RIPOR2: variants seen among roughly 807,000 people sequenced by gnomAD.
RIPOR2 encodes the protein rho family-interacting cell polarization regulator 2.
RIPOR2 carries 39 observed loss-of-function variants against 114.5 expected under a neutral mutation model. The observed-to-expected ratio is 0.34, with a 90% CI of 0.26 to 0.44. The LOEUF (loss-of-function observed/expected upper bound fraction) is 0.44, where lower values mean the gene tolerates loss of function less well. RIPOR2 is among the 20% of genes least tolerant of loss of function. The pLI, the probability that RIPOR2 is intolerant of heterozygous loss-of-function variation, is 1.00. For synonymous variants in RIPOR2, 445 were observed against 484.4 expected (o/e 0.92, Z 1.07); for missense variants, 1,007 against 1,255.1 (o/e 0.80, Z 2.99).
chr6:24,828,431 TG>T, intron 17 of RIPOR2, 136 bp from the exon 18 acceptor site: 1 of 703,894 alleles, frequency 1.4e-6, no homozygotes, highest in Non-Finnish European at 2.1e-6. Flanking sequence ...CTCAAACTCC[TG>T]GGCTCAAGCA....
intron 1 of RIPOR2, among the ~76,000 whole-genome samples, chr6:25,039,704 G>A (rs1365848243): frequency 1.3e-5 from 2 of 152,086 alleles, no homozygotes; most frequent in Non-Finnish European, 2.9e-5. Flanking sequence ...TCTCAGTGAC[G>A]GATTCCATAA....
chr6:25,024,576 G>A (rs1776513988), intron 1 of RIPOR2: 5 of 521,274 alleles, frequency 9.6e-6, no homozygotes, highest in South Asian at 7.6e-5. Context: ...AGTGGCAGGC[G>A]ACAGAACAAG....
At chr6:25,023,722 G>T in intron 1 of RIPOR2, 1 of 782,006 alleles carries the variant, frequency 1.3e-6, no homozygotes. Context: ...GTTTGTCCGC[G>T]ACTTCGTTCA....
In RIPOR2 at chr6:24,933,258, A is replaced by G. The variant is rs564460175; in HGVS notation, c.61+2580T>C. On this transcript the variant is annotated intron_variant, in intron 1 of 21. Coordinates refer to ENST00000643898, the MANE Select transcript of RIPOR2 (RefSeq NM_001286445.3). ...AGGGATTCATATGTATTAAGTACTG[A>G]CCACTATTCTAAAAGCTTTCCCTAT... Among the ~76,000 whole-genome samples, 7 of 152,328 alleles carry G rather than the reference A, an allele frequency of 4.6e-5. No homozygotes were observed. In the South Asian group the frequency reaches 8.3e-4, roughly 18 times the overall value.
chr6:24,995,766 T>C lies in RIPOR2; in HGVS notation c.76+46085A>G, dbSNP rs148810375. ...CAGATGTTTCTATGAAGATCTAACA[T>C]CCCAAATCTACTCTCAAATCTGCAA... is the stretch of plus-strand genomic sequence containing the variant. On this transcript the variant is annotated intron_variant, in intron 1 of 13. Coordinates refer to the RIPOR2 transcript ENST00000510784. 1.0e-3 allele frequency among the ~76,000 whole-genome samples: 153 copies of C among 151,886 alleles called. 1 individual carries two copies. The highest frequency in any genetic ancestry group is 3.4e-3 in the Middle Eastern group (1 of 290).
intron 1 of RIPOR2, among the ~76,000 whole-genome samples, chr6:24,990,531 T>C (rs181085523): frequency 6.6e-6 from 1 of 152,356 alleles, no homozygotes; most frequent in Non-Finnish European, 1.5e-5. Context: ...ATTGGACTTA[T>C]GTTGATACGA....
chr6:24,843,730 T>C lies in RIPOR2; in HGVS notation c.1165-176A>G, dbSNP rs572532568. On this transcript the variant is annotated intron_variant, in intron 12 of 21. Transcript: ENST00000643898. ...GTGTGTGTGTGTGTGTGTGTGTGTG[T>C]GTGTGTGTGTGTGTATCTGGCAAAA... Among the ~76,000 whole-genome samples the C allele has an allele frequency of 3.7e-3, 557 of 151,706 alleles. 3 individuals are homozygous for C. Among genetic ancestry groups the C allele is most frequent in the African/African-American group, 0.012 (497 of 41,346 alleles).
chr6:24,875,949 T>G, intron 1 of RIPOR2, 132 bp from the exon 2 acceptor site: 1 of 810,878 alleles, frequency 1.2e-6, no homozygotes, highest in Non-Finnish European at 1.9e-6. Context: ...TTCTTTATTA[T>G]GGAGTGTCCT....
chr6:24,844,509 T>C (rs927738516), intron 12 of RIPOR2, among the ~76,000 whole-genome samples: 1 of 151,996 alleles, frequency 6.6e-6, no homozygotes, highest in African/African-American at 2.4e-5. Context: ...TCCCTTTTGT[T>C]GCCCAGGCTG....
chr6:24,927,335 C>A (rs1380335578), intron 1 of RIPOR2, among the ~76,000 whole-genome samples: 1 of 151,424 alleles, frequency 6.6e-6, no homozygotes, highest in Admixed American at 6.6e-5. Flanking sequence ...ATCACCACCA[C>A]CACCACCATC....
intron 1 of RIPOR2, among the ~76,000 whole-genome samples, chr6:24,929,687 T>C (rs1183523107): frequency 6.6e-6 from 1 of 152,230 alleles, no homozygotes; most frequent in Non-Finnish European, 1.5e-5. Flanking sequence ...TAGTTAAACA[T>C]CACAGCTTTT....
Position 24,817,978 on chromosome 6 carries a change from C to CTTTTTTTTTTTTTTTTTTTT in RIPOR2, c.2952+563_2952+564insAAAAAAAAAAAAAAAAAAAA, listed in dbSNP as rs57294288. On this transcript the variant is annotated intron_variant, in intron 20 of 21. Transcript: ENST00000643898. ...ATACTTTCCTTTTCTCTCTCTCTCT[C>CTTTTTTTTTTTTTTTTTTTT]TTTTTTTTTGAGACAGAGTCTGGCT... Among the ~76,000 whole-genome samples, 11 of 118,364 alleles carry CTTTTTTTTTTTTTTTTTTTT rather than the reference C, an allele frequency of 9.3e-5. 1 individual carries two copies. Among genetic ancestry groups the CTTTTTTTTTTTTTTTTTTTT allele is most frequent in the Admixed American group, 1.0e-4 (1 of 9,928 alleles). 77.7% of individuals were successfully genotyped at this position (118,364 alleles called of 152,430 possible).
intron 1 of RIPOR2, among the ~76,000 whole-genome samples, chr6:24,985,578 G>A (rs943572223): frequency 2.0e-5 from 3 of 152,130 alleles, no homozygotes; most frequent in Non-Finnish European, 4.4e-5. Flanking sequence ...TGTTCTTCAT[G>A]AGGTGATGAC....
At chr6:25,025,865 T>TATAC (rs1286196236) in intron 1 of RIPOR2, among the ~76,000 whole-genome samples, 1 of 152,184 alleles carries the variant, frequency 6.6e-6, no homozygotes, top group Non-Finnish European at 1.5e-5. Flanking sequence ...ATCAGAGCTG[T>TATAC]AGGAGACTGA....
intron 13 of RIPOR2, chr6:24,840,652 G>A: frequency 6.5e-7 from 1 of 1,532,946 alleles, no homozygotes. Context: ...CACTCAAGAT[G>A]GCACAAAAGC....
Position 24,836,135 on chromosome 6 carries a change from T to A in RIPOR2, c.2040-264A>T, listed in dbSNP as rs184060433. 2.5e-5 allele frequency: 11 copies of A among 439,702 alleles called. No homozygotes were observed. In the South Asian group the frequency reaches 3.0e-4, roughly 12 times the overall value. 27.2% of individuals were successfully genotyped at this position (439,702 alleles called of 1,614,324 possible). A position where few individuals can be genotyped will look rare whatever the true frequency, so the allele number is the denominator to read the frequency against. ...CTAATGAACCACTTATGAAGTAGTT[T>A]CACCCAGAAGTCTTTGAAACATGCC... On this transcript the variant is annotated intron_variant, in intron 14 of 21. Transcript: ENST00000643898.
At chr6:25,022,692 T>A (rs1038490105) in intron 1 of RIPOR2, among the ~76,000 whole-genome samples, 1 of 151,422 alleles carries the variant, frequency 6.6e-6, no homozygotes, top group Non-Finnish European at 1.5e-5. Context: ...ACTACAGGTG[T>A]GTGCCACCAC....
Position 24,984,979 on chromosome 6 carries a change from C to T in RIPOR2, c.76+56872G>A, listed in dbSNP as rs118043305. ...CTGAGAAGCCCTGCGAGCCCCTCTG[C>T]CACCTGCCAAATCAACTTAATGGAT... On this transcript the variant is annotated intron_variant, in intron 1 of 13. Transcript: ENST00000510784. 1.9e-3 allele frequency among the ~76,000 whole-genome samples: 286 copies of T among 152,322 alleles called. 4 individuals are homozygous for T. Among genetic ancestry groups the T allele is most frequent in the East Asian group, 0.018 (93 of 5,188 alleles).
intron 1 of RIPOR2, among the ~76,000 whole-genome samples, chr6:24,992,849 T>C (rs1017743128): frequency 2.0e-5 from 3 of 152,210 alleles, no homozygotes; most frequent in Admixed American, 1.3e-4. Flanking sequence ...AACAGCATGG[T>C]ACTGGTACAA....
Sources: gnomAD v4.1 joint callset for allele counts (sites outside exome capture counted in the v4.1 genomes callset) on GRCh38, gnomAD v4.1.1 for gene constraint, MANE v1.5 for transcripts, NCBI Gene and HGNC (gene_info 2026-07-23, HGNC 2026-07-21) for gene names.